Variants in PHEX observed in about 807,000 individuals in gnomAD.
PHEX encodes the protein phosphate regulating endopeptidase X-linked.
In PHEX, 16 loss-of-function variants were observed where a neutral mutation model predicts 68.0. The ratio of observed to expected loss-of-function variants is 0.24; its 90% CI spans 0.16 to 0.36. The LOEUF is 0.36. Among genes scored for constraint, PHEX ranks in the 10% least tolerant of loss-of-function variants. The probability of loss-of-function intolerance (pLI) is 1.00; values close to 1 mark genes in which losing one functional copy is unlikely to be tolerated. For missense variants in PHEX, 480 were observed against 575.5 expected (o/e 0.83, Z 1.70); for synonymous variants, 208 against 205.1 (o/e 1.01, Z -0.12).
chrX:22,182,145 T>C (rs992898997), intron 14 of PHEX, among the ~76,000 whole-genome samples: 2 of 111,816 alleles, frequency 1.8e-5, no homozygotes, highest in African/African-American at 6.5e-5. Context: ...ATCCTTGTCT[T>C]GTCTAGATCT....
At chrX:22,042,557 G>T (rs900466551) in intron 2 of PHEX, among the ~76,000 whole-genome samples, 8 of 112,556 alleles carry the variant, frequency 7.1e-5, no homozygotes, top group African/African-American at 1.9e-4. Context: ...CGCTGAGGCG[G>T]ACAGATCACT....
chrX:22,097,154 C>A, intron 8 of PHEX, 116 bp downstream of exon 8: 1 of 564,482 alleles, frequency 1.8e-6, no homozygotes, highest in Non-Finnish European at 3.1e-6. Context: ...TGGTTATCAT[C>A]ATCTTTGTCA....
chrX:22,119,444 G>A (rs1049136333), intron 11 of PHEX, among the ~76,000 whole-genome samples: 5 of 111,317 alleles, frequency 4.5e-5, no homozygotes, highest in East Asian at 2.8e-4. Flanking sequence ...TGATGCTCTC[G>A]TTCCACTGTG....
At chrX:22,106,794 A>AAC (rs1930716795) in intron 9 of PHEX, among the ~76,000 whole-genome samples, 1 of 108,085 alleles carries the variant, frequency 9.3e-6, no homozygotes. Flanking sequence ...AAAAAAAAAA[A>AAC]AACCAAATAG....
chrX:22,247,772 A>AT (rs1165585616), intron 21 of PHEX, 79 bp from the exon 22 acceptor site: 25 of 707,134 alleles, frequency 3.5e-5, no homozygotes, highest in Non-Finnish European at 5.6e-5. Flanking sequence ...CTTTCTAGCA[A>AT]TATTCTGCTA....
chrX:22,142,579 GA>G (rs1480055775), intron 12 of PHEX, among the ~76,000 whole-genome samples: 1 of 111,938 alleles, frequency 8.9e-6, no homozygotes, highest in African/African-American at 3.2e-5. Flanking sequence ...AAGGGAATTG[GA>G]ATCAGCCAAT....
At chrX:22,109,349 G>A (rs1310569131) in intron 9 of PHEX, among the ~76,000 whole-genome samples, 1 of 112,214 alleles carries the variant, frequency 8.9e-6, no homozygotes, top group Admixed American at 9.5e-5. Flanking sequence ...TAACCCAATG[G>A]TGTTTGAAGA....
intron 13 of PHEX, chrX:22,171,016 C>A (rs1182030310): frequency 8.9e-6 from 1 of 112,113 alleles, no homozygotes; most frequent in Non-Finnish European, 1.9e-5. Flanking sequence ...GTTTAAAAAC[C>A]TGACAGTGAA....
chrX:22,131,093 G>A (rs1204038362), intron 11 of PHEX, among the ~76,000 whole-genome samples: 2 of 110,403 alleles, frequency 1.8e-5, no homozygotes, highest in African/African-American at 6.6e-5. Context: ...AGACTGGAGT[G>A]CAGTGGTGTA....
At chrX:22,052,762 A>G (rs1041861095) in intron 3 of PHEX, among the ~76,000 whole-genome samples, 1 of 109,816 alleles carries the variant, frequency 9.1e-6, no homozygotes, top group Non-Finnish European at 1.9e-5. Flanking sequence ...ATGCAAAGGC[A>G]TACAGAGTGG....
intron 9 of PHEX, among the ~76,000 whole-genome samples, chrX:22,110,813 C>T (rs1266622742): frequency 3.6e-5 from 4 of 112,308 alleles, no homozygotes; most frequent in Admixed American, 9.5e-5. Context: ...TATTCTAGTT[C>T]AGGGTTGCAG....
chrX:22,180,783 C>T (rs914538572), intron 14 of PHEX, among the ~76,000 whole-genome samples: 1 of 111,603 alleles, frequency 9.0e-6, no homozygotes, highest in African/African-American at 3.3e-5. Flanking sequence ...CCCTTCTCAG[C>T]CTCATTCTAC....
At chrX:22,213,918 G>A (rs1457141475) in intron 16 of PHEX, among the ~76,000 whole-genome samples, 5 of 112,279 alleles carry the variant, frequency 4.5e-5, no homozygotes, top group South Asian at 3.7e-4. Context: ...TAGTTCTTTC[G>A]GGAGGTGGTA....
chrX:22,201,720 C>T (rs1359166388), intron 15 of PHEX, among the ~76,000 whole-genome samples: 2 of 111,669 alleles, frequency 1.8e-5, no homozygotes, highest in African/African-American at 6.5e-5. Context: ...TTGCCGCTTG[C>T]AGGGTATTTC....
At chrX:22,074,525 G>A (rs1569379924) in intron 3 of PHEX, among the ~76,000 whole-genome samples, 1 of 110,001 alleles carries the variant, frequency 9.1e-6, no homozygotes, top group African/African-American at 3.3e-5. Flanking sequence ...AATGCTTTTA[G>A]TTTTTTTTGC....
chrX:22,176,025 T>G (rs991046327), intron 13 of PHEX, among the ~76,000 whole-genome samples: 1 of 111,447 alleles, frequency 9.0e-6, no homozygotes, highest in Non-Finnish European at 1.9e-5. Flanking sequence ...AAGGTTGCTT[T>G]CTATAACAAG....
chrX:22,217,407 G>A (rs1323073013), intron 16 of PHEX, among the ~76,000 whole-genome samples: 1 of 112,168 alleles, frequency 8.9e-6, no homozygotes, highest in Non-Finnish European at 1.9e-5. Flanking sequence ...TTGCCACCAA[G>A]GGGAAAAATT....
At chrX:22,067,071 T>A (rs184081485) in intron 3 of PHEX, among the ~76,000 whole-genome samples, 2 of 109,610 alleles carry the variant, frequency 1.8e-5, no homozygotes, top group Admixed American at 2.0e-4. Context: ...TGGCGAAACC[T>A]CATCTCTACT....
chrX:22,236,615 T>C (rs1935990130), intron 20 of PHEX, among the ~76,000 whole-genome samples: 1 of 112,950 alleles, frequency 8.9e-6, no homozygotes, highest in South Asian at 3.6e-4. Flanking sequence ...TAATGTTTTA[T>C]TGGAAAGCAG....
Sources: gnomAD v4.1 joint callset for allele counts (sites outside exome capture counted in the v4.1 genomes callset) on GRCh38, gnomAD v4.1.1 for gene constraint, MANE v1.5 for transcripts, NCBI Gene and HGNC (gene_info 2026-07-23, HGNC 2026-07-21) for gene names.